Variants in ANO7 observed in about 807,000 individuals in gnomAD.
ANO7 encodes the protein anoctamin 7, also known as anoctamin-7.
Under a neutral mutation model 115.8 loss-of-function variants are expected in ANO7, and 114 were observed. That is an observed-to-expected ratio of 0.98 (90% CI 0.85 to 1.15). The LOEUF (loss-of-function observed/expected upper bound fraction) is 1.15. Ranked by LOEUF, ANO7 falls within the 50% of genes most tolerant of loss-of-function variation. The probability of loss-of-function intolerance (pLI) is 0.00; values close to 1 mark genes in which losing one functional copy is unlikely to be tolerated. For missense variants in ANO7, 1,302 were observed against 1,201.2 expected, an observed-to-expected ratio of 1.08 and a Z score of -1.24; for synonymous variants, 550 against 498.2, an observed-to-expected ratio of 1.10 and a Z score of -1.38.
At chr2:241,212,439 C>T (rs2068737423) in intron 16 of ANO7, 133 bp from the exon 17 acceptor site, 3 of 1,082,088 alleles carry the variant, frequency 2.8e-6, no homozygotes, top group Non-Finnish European at 4.2e-6. Flanking sequence ...CAGCTCACAA[C>T]CGGGACTCTA....
chr2:241,190,091 G>A lies in ANO7; in HGVS notation c.28G>A (p.Asp10Asn). MLRRRAQEE[D>N]STVLIDVSPP... ...GCTGCGGCGACGGGCCCAGGAAGAGGACAGCACCGTCCTGATCGATGTGAG... is the reference window on the plus strand; with the variant it reads ...GCTGCGGCGACGGGCCCAGGAAGAGAACAGCACCGTCCTGATCGATGTGAG... Residue 10 changes from aspartate to asparagine, a missense_variant, in exon 2 of 25, where the codon GAC (aspartate) becomes AAC (asparagine). Physicochemically the swap from Asp to Asn is conservative, Grantham distance 23. Transcript: ENST00000674324. 1 of 1,583,200 alleles carries A rather than the reference G, an allele frequency of 6.3e-7. No individual in the cohort carries two copies. The highest frequency in any genetic ancestry group is 8.6e-7 in the Non-Finnish European group (1 of 1,165,074).
At chr2:241,226,626 G>A (rs112787437), downstream of ANO7, among the ~76,000 whole-genome samples, 3,145 of 152,122 alleles carry the variant, frequency 0.021, 65 homozygotes, top group African/African-American at 0.049. Context: ...GGGTTTCACC[G>A]TGTTAGCCAG....
chr2:241,223,666 T>A lies in ANO7; in HGVS notation c.2417T>A (p.Val806Glu). 1.9e-6 allele frequency: 3 copies of A among 1,612,678 alleles called. No homozygotes were observed. The highest frequency in any genetic ancestry group is 2.5e-6 in the Non-Finnish European group (3 of 1,179,274). ...RLAFVIVFEH[V>E]VFSVGRLLDL... ...AGTGCCTTCCTCTGCTCCCAGCATG[T>A]GGTTTTCTCCGTTGGCCGCCTCCTG... is the stretch of plus-strand genomic sequence containing the variant. The change falls in exon 23 of 25, where the codon GTG (valine) becomes GAG (glutamate). Residue 806 changes from valine (V) to glutamate (E), a missense_variant. Transcript: ENST00000674324.
At chr2:241,235,742 A>G in the ANO7 span, 1 of 598,468 alleles carries the variant, frequency 1.7e-6, no homozygotes. Context: ...AGGACCTTTA[A>G]CTCAATAGAA....
the ANO7 span, chr2:241,235,324 G>C: frequency 4.4e-6 from 7 of 1,604,050 alleles, no homozygotes; most frequent in Non-Finnish European, 6.0e-6. Context: ...TTGGCCCTGG[G>C]ACCCAGAAGT....
intron 21 of ANO7, among the ~76,000 whole-genome samples, chr2:241,219,731 C>CTTTTT (rs11299376): frequency 1.8e-5 from 2 of 113,960 alleles, no homozygotes; most frequent in Non-Finnish European, 3.5e-5. Context: ...CCAGGCCTGG[C>CTTTTT]TTTTTTTTTT....
At chr2:241,205,514 A>T in intron 10 of ANO7, among the ~76,000 whole-genome samples, 1 of 134,554 alleles carries the variant, frequency 7.4e-6, no homozygotes, top group African/African-American at 2.8e-5. Context: ...TCCCAGTCTG[A>T]CAGGTGGACA....
At chr2:241,229,462 G>C (rs1182254507), downstream of ANO7, 7 of 654,738 alleles carry the variant, frequency 1.1e-5, no homozygotes, top group Non-Finnish European at 1.6e-5. Flanking sequence ...CCAGGCGCTA[G>C]GCTCCCTGCG....
At chr2:241,219,152 C>T (rs1188519426) in intron 21 of ANO7, among the ~76,000 whole-genome samples, 1 of 152,192 alleles carries the variant, frequency 6.6e-6, no homozygotes, top group East Asian at 1.9e-4. Context: ...AGATGTACTT[C>T]ACCCGCAGTT....
In ANO7 at chr2:241,205,800, T is replaced by TCTGACAGGTGGACAGGAGTGCTCCCAGG. The variant is rs1559447121; in HGVS notation, c.980+857_980+884dup. Reference sequence around the variant, plus strand: ...GACAGGTGGACAGGAGTGCTCCCAGTCTGACAGGTGGACAGGAGTGCTCCC... The same window carrying TCTGACAGGTGGACAGGAGTGCTCCCAGG: ...GACAGGTGGACAGGAGTGCTCCCAGTCTGACAGGTGGACAGGAGTGCTCCCAGGCTGACAGGTGGACAGGAGTGCTCCC... On this transcript the variant is annotated intron_variant, in intron 10 of 24. Transcript: ENST00000674324. Among the ~76,000 whole-genome samples, 162 of 30,446 alleles carry TCTGACAGGTGGACAGGAGTGCTCCCAGG rather than the reference T, an allele frequency of 5.3e-3. 31 individuals are homozygous for TCTGACAGGTGGACAGGAGTGCTCCCAGG. Among genetic ancestry groups the TCTGACAGGTGGACAGGAGTGCTCCCAGG allele is most frequent in the East Asian group, 7.8e-3 (5 of 642 alleles). 20.0% of individuals were successfully genotyped at this position (30,446 alleles called of 152,430 possible).
intron 11 of ANO7, among the ~76,000 whole-genome samples, 198 bp from the exon 12 acceptor site, chr2:241,209,087 T>C (rs1210266996): frequency 1.3e-5 from 2 of 152,196 alleles, no homozygotes. Flanking sequence ...AGGCGAAGCG[T>C]GCAGTGAGCC....
chr2:241,238,835 C>A, the ANO7 span: 1 of 1,464,106 alleles, frequency 6.8e-7, no homozygotes, highest in South Asian at 1.5e-5. The surrounding 1 kb of genome is among the most constrained non-coding windows in gnomAD (Gnocchi z 4.9). Context: ...AGATTAAATT[C>A]CTTAGGGCAA....
At chr2:241,206,739 G>A (rs1394746233) in intron 10 of ANO7, among the ~76,000 whole-genome samples, 3 of 27,410 alleles carry the variant, frequency 1.1e-4, no homozygotes, top group Non-Finnish European at 1.3e-4. Flanking sequence ...GGCTGACATA[G>A]GTGGACAGGA....
At chr2:241,210,641 TTCTC>T in intron 15 of ANO7, 71 bp downstream of exon 15, 5 of 1,282,390 alleles carry the variant, frequency 3.9e-6, no homozygotes, top group African/African-American at 1.5e-5. Context: ...GAACGTGACT[TTCTC>T]ACTCACTGAC....
rs779991770 is a variant in ANO7, at chr2:241,191,143, C to T, written c.109-51C>T. 57 of 1,606,476 alleles carry T rather than the reference C, an allele frequency of 3.5e-5. No homozygotes were observed. In the East Asian group the frequency reaches 4.9e-4, roughly 14 times the overall value. On this transcript the variant is annotated intron_variant, in intron 2 of 24. Coordinates refer to ENST00000674324, the MANE Select transcript of ANO7 (RefSeq NM_001370694.2). ...GGTGGGGCGGGGTGGGTGTAGTTGT[C>T]GAGGGCAGATGCTGATGCTGATATG...
At chr2:241,239,336 CCTCT>C in the ANO7 span, among the ~76,000 whole-genome samples, 2 of 151,570 alleles carry the variant, frequency 1.3e-5, no homozygotes, top group Non-Finnish European at 1.5e-5. The surrounding 1 kb of genome is among the most constrained non-coding windows in gnomAD (Gnocchi z 4.6). Flanking sequence ...TGCTTTCTTT[CCTCT>C]CTCTCTCTCC....
chr2:241,233,621 C>G, the ANO7 span, among the ~76,000 whole-genome samples: 10 of 152,138 alleles, frequency 6.6e-5, no homozygotes, highest in African/African-American at 2.4e-4. The surrounding 1 kb of genome is among the most constrained non-coding windows in gnomAD (Gnocchi z 4.3). Flanking sequence ...CCAGATGATA[C>G]ATAGTGCCAG....
chr2:241,213,556 C>T (rs1260508965), intron 17 of ANO7, among the ~76,000 whole-genome samples: 1 of 152,250 alleles, frequency 6.6e-6, no homozygotes, highest in African/African-American at 2.4e-5. Context: ...CACTGTGCCA[C>T]AGCCCCTCCA....
In ANO7 at chr2:241,225,801, CG is replaced by C. The variant is rs578119076; in HGVS notation, c.*1650del. Among the ~76,000 whole-genome samples, 111 of 152,282 alleles carry C rather than the reference CG, an allele frequency of 7.3e-4. No homozygotes were observed. The highest frequency in any genetic ancestry group is 1.0e-3 in the Non-Finnish European group (71 of 68,020). On this transcript the variant is annotated 3_prime_UTR_variant, in exon 25 of 25. Coordinates refer to ENST00000674324, the MANE Select transcript of ANO7 (RefSeq NM_001370694.2). ...ACAGCGCCCTGGGGCTGGACACCAC[CG>C]GCCGGAGCATGGCGGACAGCACACA...
Sources: gnomAD v4.1 joint callset for allele counts (sites outside exome capture counted in the v4.1 genomes callset) on GRCh38, gnomAD v4.1.1 for gene constraint, Gnocchi (gnomAD v3.1) non-coding constraint, MANE v1.5 for transcripts, NCBI Gene and HGNC (gene_info 2026-07-23, HGNC 2026-07-21) for gene names.